Variants in NUGGC observed in about 807,000 individuals in gnomAD.
NUGGC encodes the protein nuclear GTPase SLIP-GC.
A neutral mutation model predicts 92.6 loss-of-function variants in NUGGC; 58 were observed. The observed-to-expected ratio is 0.63, with a 90% confidence interval of 0.51 to 0.78. The LOEUF is 0.78. NUGGC is among the 30% of genes least tolerant of loss of function. The pLI, the probability that NUGGC is intolerant of heterozygous loss-of-function variation, is 0.00. For synonymous variants in NUGGC, 376 were observed against 366.4 expected (o/e 1.03, Z -0.30); for missense variants, 925 against 964.6 (o/e 0.96, Z 0.54).
chr8:28,079,732 A>T (rs35669433), intron 1 of NUGGC, among the ~76,000 whole-genome samples: 30,326 of 152,108 alleles, frequency 0.2, 3,964 homozygotes, highest in East Asian at 0.64. Context: ...AGCCCCCTGG[A>T]GCTCAGGCAT....
chr8:28,080,027 C>T (rs955815667), intron 1 of NUGGC, among the ~76,000 whole-genome samples: 6 of 152,124 alleles, frequency 3.9e-5, no homozygotes, highest in African/African-American at 1.2e-4. Flanking sequence ...CTGCAACCTC[C>T]GCCTCCCAGG....
intron 1 of NUGGC, among the ~76,000 whole-genome samples, chr8:28,076,879 C>A (rs976254491): frequency 1.3e-5 from 2 of 152,138 alleles, no homozygotes; most frequent in Non-Finnish European, 2.9e-5. Context: ...CACTAGGTGG[C>A]AGGTACAAGA....
chr8:28,041,574 C>T (rs1348466222), intron 12 of NUGGC, among the ~76,000 whole-genome samples: 1 of 152,222 alleles, frequency 6.6e-6, no homozygotes, highest in East Asian at 1.9e-4. Context: ...ACATCTGATT[C>T]AACAAACATT....
rs758576989 is a variant in NUGGC at position 28,060,413 on chromosome 8, C to T, written c.1097+13G>A. 5.0e-6 allele frequency: 8 copies of T among 1,612,960 alleles called. No homozygotes were observed. Among genetic ancestry groups the T allele is most frequent in the South Asian group, 1.1e-5 (1 of 90,858 alleles). ...TGACTGGAGCCCACATCCTTGCAAG[C>T]CCAGCACAATACCTTAGGTATTCTG... On this transcript the variant is annotated intron_variant, in intron 8 of 18. Coordinates refer to ENST00000413272, the MANE Select transcript of NUGGC (RefSeq NM_001010906.2).
intron 17 of NUGGC, among the ~76,000 whole-genome samples, chr8:28,027,662 C>T (rs1280174671): frequency 4.6e-5 from 7 of 152,176 alleles, no homozygotes; most frequent in Non-Finnish European, 1.0e-4. Context: ...GAAGCTGGAT[C>T]TCCTACGCTT....
chr8:28,079,002 T>C lies in NUGGC; in HGVS notation c.-46-4546A>G, dbSNP rs554021087. ...TGCTTTTAGTGCTTATTTACATTCA[T>C]GTGCACTGAACCTAAGAATAGCATC... On this transcript the variant is annotated intron_variant, in intron 1 of 18. Transcript: ENST00000413272. 3.3e-5 allele frequency among the ~76,000 whole-genome samples: 5 copies of C among 152,366 alleles called. No individual in the cohort carries two copies. The South Asian group carries it at 1.0e-3, about 32-fold the overall frequency.
At position 28,038,010 on chromosome 8, in the gene NUGGC, T is replaced by G. The variant is rs181912411; in HGVS notation, c.1611+3041A>C. ...GTTCAGATGTGAGTGCAAGAACAGCTGCAGCCATTTTGCCATCATGAGAGA... is the reference window on the plus strand; with the variant it reads ...GTTCAGATGTGAGTGCAAGAACAGCGGCAGCCATTTTGCCATCATGAGAGA... On this transcript the variant is annotated intron_variant, in intron 13 of 18. Transcript: ENST00000413272. Among the ~76,000 whole-genome samples, 14 of 152,340 alleles carry G rather than the reference T, an allele frequency of 9.2e-5. No homozygotes were observed. The East Asian group carries it at 2.7e-3, about 29-fold the overall frequency.
chr8:28,051,923 A>C lies in NUGGC; in HGVS notation c.1206+4042T>G, dbSNP rs71519667. 2.8e-4 allele frequency among the ~76,000 whole-genome samples: 42 copies of C among 152,232 alleles called. 2 individuals carry two copies. The East Asian group carries it at 2.9e-3, about 10-fold the overall frequency. On this transcript the variant is annotated intron_variant, in intron 10 of 18. Coordinates refer to ENST00000413272, the MANE Select transcript of NUGGC (RefSeq NM_001010906.2). ...GGCAACAGGAGCGAAACAAAACAAAACAAAACAAAACAAAAACAAAAACAA... is the reference window on the plus strand; with the variant it reads ...GGCAACAGGAGCGAAACAAAACAAACCAAAACAAAACAAAAACAAAAACAA...
chr8:28,022,143 A>AT lies in NUGGC; in HGVS notation c.*1173dup, dbSNP rs1231799868. On this transcript the variant is annotated 3_prime_UTR_variant, in exon 19 of 19. Coordinates refer to ENST00000413272, the MANE Select transcript of NUGGC (RefSeq NM_001010906.2). ...TGGGTGTGTGTGTGTATATATATAT[A>AT]TTTTTTTCTTTTTCTTTTTTTTTTT... 2.4e-5 allele frequency: 3 copies of AT among 122,520 alleles called. No individual in the cohort carries two copies. Among genetic ancestry groups the AT allele is most frequent in the Non-Finnish European group, 3.4e-5 (2 of 57,986 alleles). The allele number at this position is 122,520 out of a possible 1,614,324, so 7.6% of individuals were successfully genotyped here.
At chr8:28,058,235 A>T (rs1336859692) in intron 9 of NUGGC, 23 bp downstream of exon 9, 3 of 443,372 alleles carry the variant, frequency 6.8e-6, no homozygotes, top group Non-Finnish European at 1.1e-5. Context: ...AAATAAAAAT[A>T]AAAAAAACTA....
intron 14 of NUGGC, among the ~76,000 whole-genome samples, chr8:28,032,198 A>C (rs1282727037): frequency 6.6e-6 from 1 of 152,172 alleles, no homozygotes; most frequent in Non-Finnish European, 1.5e-5. Context: ...TAGCCCACAG[A>C]ATTGTAAACA....
chr8:28,033,864 C>T (rs2305454), intron 13 of NUGGC, among the ~76,000 whole-genome samples, 167 bp from the exon 14 acceptor site: 52,296 of 152,040 alleles, frequency 0.34, 9,360 homozygotes, highest in East Asian at 0.47. Flanking sequence ...ACAGTGGTCA[C>T]GCCTCTAGGT....
At chr8:28,068,165 G>A (rs1810492754) in intron 5 of NUGGC, 51 bp downstream of exon 5, 1 of 1,135,018 alleles carries the variant, frequency 8.8e-7, no homozygotes, top group Non-Finnish European at 1.3e-6. Flanking sequence ...AAGGAAGAAA[G>A]GAAGGAAAAA....
intron 15 of NUGGC, 140 bp downstream of exon 15, chr8:28,031,103 T>C: frequency 2.1e-6 from 2 of 939,320 alleles, no homozygotes; most frequent in Non-Finnish European, 3.3e-6. Context: ...GGGTTCTGTA[T>C]TTCACAGCGC....
Position 28,026,833 on chromosome 8 carries a change from T to G in NUGGC, c.2245+129A>C, listed in dbSNP as rs28729401. ...TCATCATCTCCATTCCTTGCCCTGC[T>G]AATTCTTCCTAACTTCCTAACTTAA... On this transcript the variant is annotated intron_variant, in intron 18 of 18. Coordinates refer to ENST00000413272, the MANE Select transcript of NUGGC (RefSeq NM_001010906.2). The G allele has an allele frequency of 4.1e-3, 2,785 of 679,278 alleles. 57 individuals carry two copies. The African/African-American group carries it at 0.041, about 10-fold the overall frequency. 42.1% of individuals were successfully genotyped at this position (679,278 alleles called of 1,614,324 possible). A position where few individuals can be genotyped will look rare whatever the true frequency, so the allele number is the denominator to read the frequency against.
chr8:28,074,565 C>T (rs910289015), intron 1 of NUGGC, 109 bp from the exon 2 acceptor site: 35 of 696,320 alleles, frequency 5.0e-5, no homozygotes, highest in Middle Eastern at 4.8e-4. Context: ...CCCATTCCAA[C>T]GTATCTCTGA....
chr8:28,059,640 T>C (rs1022422775), intron 8 of NUGGC, among the ~76,000 whole-genome samples: 9 of 152,152 alleles, frequency 5.9e-5, no homozygotes, highest in Non-Finnish European at 1.3e-4. Context: ...AACCTGCACA[T>C]CCTGCACATG....
intron 11 of NUGGC, among the ~76,000 whole-genome samples, chr8:28,046,703 G>C (rs941050380): frequency 1.4e-4 from 21 of 145,756 alleles, no homozygotes; most frequent in African/African-American, 4.8e-4. Flanking sequence ...TTTTTGAGAC[G>C]AAGTTCCACT....
Position 28,072,195 on chromosome 8 carries a change from C to T in NUGGC, c.44-1839G>A, listed in dbSNP as rs546455936. 2.0e-5 allele frequency among the ~76,000 whole-genome samples: 3 copies of T among 152,342 alleles called. No individual in the cohort carries two copies. In the South Asian group the frequency reaches 6.2e-4, roughly 32 times the overall value. ...GAGTTGAGAGAGGTTATACTTCGAC[C>T]CTTCCCTCTCAGACATTCTAACTGA... On this transcript the variant is annotated intron_variant, in intron 2 of 18. Coordinates refer to ENST00000413272, the MANE Select transcript of NUGGC (RefSeq NM_001010906.2).
Sources: allele counts gnomAD v4.1 joint callset (sites outside exome capture counted in the v4.1 genomes callset), GRCh38; gene constraint gnomAD v4.1.1; transcripts MANE v1.5; gene names NCBI Gene and HGNC (gene_info 2026-07-23, HGNC 2026-07-21).